DIP2C: variants seen among roughly 807,000 people sequenced by gnomAD.
DIP2C encodes the protein disco-interacting protein 2 homolog C.
A neutral mutation model predicts 192.4 loss-of-function variants in DIP2C; 33 were observed. The ratio of observed to expected loss-of-function variants is 0.17; its 90% CI spans 0.13 to 0.23. The LOEUF is 0.23. DIP2C is among the 10% of genes least tolerant of loss of function. DIP2C has a pLI of 1.00. For synonymous variants in DIP2C, 979 were observed against 864.1 expected, an observed-to-expected ratio of 1.13 and a Z score of -2.33; for missense variants, 1,537 against 2,110.1, an observed-to-expected ratio of 0.73 and a Z score of 5.32.
At chr10:313,423 T>A (rs1382010739) in intron 31 of DIP2C, among the ~76,000 whole-genome samples, 2 of 152,250 alleles carry the variant, frequency 1.3e-5, no homozygotes, top group Non-Finnish European at 2.9e-5. Flanking sequence ...GCCTTCCATA[T>A]CTGTGAGTTT....
intron 1 of DIP2C, among the ~76,000 whole-genome samples, chr10:557,855 G>GGGGGCA (rs1459786839): frequency 1.9e-5 from 2 of 106,882 alleles, no homozygotes; most frequent in African/African-American, 3.4e-5. Flanking sequence ...GGAAGGGGGA[G>GGGGGCA]GGGGCAGGGG....
chr10:302,600 C>T (rs767231517), intron 32 of DIP2C, among the ~76,000 whole-genome samples: 9 of 152,044 alleles, frequency 5.9e-5, no homozygotes, highest in Admixed American at 1.3e-4. Context: ...TGTGTCATCA[C>T]GCAAACACCA....
intron 9 of DIP2C, among the ~76,000 whole-genome samples, chr10:408,164 G>A (rs1369562754): frequency 6.6e-6 from 1 of 152,256 alleles, no homozygotes; most frequent in Non-Finnish European, 1.5e-5. Context: ...CTTGCAGGTG[G>A]ATGTCCAGTT....
At chr10:355,102 C>T (rs1262818613) in intron 24 of DIP2C, among the ~76,000 whole-genome samples, 1 of 152,142 alleles carries the variant, frequency 6.6e-6, no homozygotes, top group Non-Finnish European at 1.5e-5. Flanking sequence ...AGATCTCCGG[C>T]CCCCACACCT....
chr10:345,631 G>C (rs77939775), intron 26 of DIP2C, among the ~76,000 whole-genome samples: 1 of 104,700 alleles, frequency 9.6e-6, no homozygotes, highest in Non-Finnish European at 1.8e-5. Flanking sequence ...CAGACACATC[G>C]CGCATAGTTC....
chr10:592,203 G>T (rs897391593), intron 1 of DIP2C, among the ~76,000 whole-genome samples: 6 of 152,148 alleles, frequency 3.9e-5, no homozygotes, highest in African/African-American at 1.4e-4. Flanking sequence ...AATAATCGGA[G>T]GACCCATTCA....
At chr10:381,643 G>A (rs547287643) in intron 17 of DIP2C, among the ~76,000 whole-genome samples, 5 of 152,324 alleles carry the variant, frequency 3.3e-5, no homozygotes, top group East Asian at 1.9e-4. Context: ...AGGGAGACAC[G>A]TCCTGCTCTT....
Position 419,212 on chromosome 10 carries a change from A to AC in DIP2C, c.605-14dup. The AC allele has an allele frequency of 3.7e-6, 6 of 1,614,128 alleles. No homozygotes were observed. Among genetic ancestry groups the AC allele is most frequent in the Non-Finnish European group, 5.1e-6 (6 of 1,179,990 alleles). On this transcript the variant is annotated splice_polypyrimidine_tract_variant and intron_variant, in intron 5 of 36. Coordinates refer to ENST00000280886, the MANE Select transcript of DIP2C (RefSeq NM_014974.3). The stretch of plus-strand genomic sequence containing the variant: ...GCAGAATGATTTTCTGTAAAGAAAC[A>AC]CATCATGAGATTTTCTGGTGGTTGT...
chr10:362,756 A>G, intron 21 of DIP2C, 65 bp from the exon 22 acceptor site: 2 of 1,485,614 alleles, frequency 1.3e-6, no homozygotes, highest in East Asian at 2.3e-5. Flanking sequence ...TATTTATATT[A>G]TGCAAAATAT....
At chr10:368,931 C>G (rs1960628333) in intron 18 of DIP2C, among the ~76,000 whole-genome samples, 1 of 152,260 alleles carries the variant, frequency 6.6e-6, no homozygotes, top group African/African-American at 2.4e-5. Flanking sequence ...AAAGCGGCTC[C>G]TGGGAGGTGC....
intron 1 of DIP2C, among the ~76,000 whole-genome samples, chr10:495,318 A>G (rs535463924): frequency 6.6e-6 from 1 of 152,338 alleles, no homozygotes. Flanking sequence ...ACTACAGTTA[A>G]TAACAATGTA....
At chr10:567,505 AAGTT>A (rs1849524290) in intron 1 of DIP2C, among the ~76,000 whole-genome samples, 1 of 152,036 alleles carries the variant, frequency 6.6e-6, no homozygotes, top group Non-Finnish European at 1.5e-5. Flanking sequence ...ACACAACTGA[AAGTT>A]AGCAGATAAT....
chr10:430,198 ATC>A (rs1267290372), intron 4 of DIP2C: 1 of 152,212 alleles, frequency 6.6e-6, no homozygotes, highest in East Asian at 1.9e-4. Context: ...TAGATGAGCC[ATC>A]TGTTAGTCTT....
At chr10:284,366 G>C (rs916943019) in intron 34 of DIP2C, among the ~76,000 whole-genome samples, 1 of 152,150 alleles carries the variant, frequency 6.6e-6, no homozygotes, top group Non-Finnish European at 1.5e-5. Flanking sequence ...GCCGTCCTCT[G>C]TTCCCTAACA....
intron 1 of DIP2C, among the ~76,000 whole-genome samples, chr10:642,705 C>T (rs1456567639): frequency 6.6e-6 from 1 of 152,248 alleles, no homozygotes; most frequent in Non-Finnish European, 1.5e-5. Flanking sequence ...CTCACCGGCA[C>T]CGGGGTCTCA....
intron 1 of DIP2C, among the ~76,000 whole-genome samples, chr10:512,447 T>C (rs1846076592): frequency 6.6e-6 from 1 of 152,088 alleles, no homozygotes; most frequent in South Asian, 2.1e-4. Flanking sequence ...CGTGGTGATA[T>C]GTATCTAGTC....
At chr10:311,905 C>T (rs1956582678) in intron 31 of DIP2C, among the ~76,000 whole-genome samples, 1 of 152,170 alleles carries the variant, frequency 6.6e-6, no homozygotes, top group South Asian at 2.1e-4. Context: ...CACCGTGTCA[C>T]TCACGGTGCT....
rs59436219 is a variant in DIP2C, at chr10:449,782, T to TA, written c.269-8787dup. 9.3e-3 allele frequency among the ~76,000 whole-genome samples: 1,181 copies of TA among 127,214 alleles called. 8 individuals carry two copies. The highest frequency in any genetic ancestry group is 0.014 in the Admixed American group (181 of 12,578). 83.5% of individuals were successfully genotyped at this position (127,214 alleles called of 152,430 possible). On this transcript the variant is annotated intron_variant, in intron 3 of 36. Coordinates refer to ENST00000280886, the MANE Select transcript of DIP2C (RefSeq NM_014974.3). ...TGTACCCTAAAACTTAAAGTATAAT[T>TA]AAAAAAAAAAAAAAAAGAAGTAAAC... is the stretch of plus-strand genomic sequence containing the variant.
chr10:321,478 C>A (rs1234570980), intron 31 of DIP2C, among the ~76,000 whole-genome samples: 1 of 152,180 alleles, frequency 6.6e-6, no homozygotes, highest in African/African-American at 2.4e-5. Context: ...TAAAACTCTT[C>A]CCTCTCTCCA....
Sources: allele counts gnomAD v4.1 joint callset (sites outside exome capture counted in the v4.1 genomes callset), GRCh38; gene constraint gnomAD v4.1.1; transcripts MANE v1.5; gene names NCBI Gene and HGNC (gene_info 2026-07-23, HGNC 2026-07-21).